SLC30A9: variants seen among roughly 807,000 people sequenced by gnomAD.
SLC30A9 encodes the protein solute carrier family 30 member 9.
SLC30A9 carries 58 observed loss-of-function variants against 87.5 expected under a neutral mutation model. The ratio of observed to expected loss-of-function variants is 0.66; its 90% CI spans 0.54 to 0.82. The LOEUF (loss-of-function observed/expected upper bound fraction) is 0.82. Among genes scored for constraint, SLC30A9 ranks in the 40% least tolerant of loss-of-function variants. The pLI, the probability that SLC30A9 is intolerant of heterozygous loss-of-function variation, is 0.00. For synonymous variants in SLC30A9, 234 were observed against 233.0 expected (o/e 1.00, Z -0.04); for missense variants, 557 against 679.1 (o/e 0.82, Z 2.00).
rs1460341431 is a variant in SLC30A9, at chr4:42,014,959, TTAGA to T, written c.275-3147_275-3144del. On this transcript the variant is annotated intron_variant, in intron 2 of 17. Coordinates refer to ENST00000264451, the MANE Select transcript of SLC30A9 (RefSeq NM_006345.4). ...ATGGTTAATGGGTACAAAACTGCAG[TTAGA>T]TAGAATGAATAAGAGCTAGTATTTG... Among the ~76,000 whole-genome samples, 31 of 152,096 alleles carry T rather than the reference TTAGA, an allele frequency of 2.0e-4. No individual in the cohort carries two copies. In the East Asian group the frequency reaches 2.9e-3, roughly 14 times the overall value.
chr4:42,018,383 C>T, intron 3 of SLC30A9: 1 of 1,286,964 alleles, frequency 7.8e-7, no homozygotes, highest in East Asian at 4.1e-5. Context: ...CAAATTTTTT[C>T]AAAAGCCCAA....
chr4:42,014,474 T>C (rs948541483), intron 2 of SLC30A9, among the ~76,000 whole-genome samples: 2 of 151,998 alleles, frequency 1.3e-5, no homozygotes, highest in Non-Finnish European at 2.9e-5. Context: ...GGAGAATTGC[T>C]TGAACCCAGG....
intron 16 of SLC30A9, among the ~76,000 whole-genome samples, chr4:42,076,689 C>T (rs1456311461): frequency 6.6e-6 from 1 of 151,930 alleles, no homozygotes; most frequent in African/African-American, 2.4e-5. Flanking sequence ...CATGGCCGGG[C>T]GCGGTGGCTC....
chr4:42,045,970 C>G (rs1717133854), intron 8 of SLC30A9, among the ~76,000 whole-genome samples: 1 of 152,094 alleles, frequency 6.6e-6, no homozygotes, highest in Non-Finnish European at 1.5e-5. Context: ...TAAACAGAAC[C>G]AATACAAAAA....
At chr4:42,050,914 G>C (rs1218644569) in intron 9 of SLC30A9, among the ~76,000 whole-genome samples, 1 of 152,164 alleles carries the variant, frequency 6.6e-6, no homozygotes, top group Non-Finnish European at 1.5e-5. Flanking sequence ...GAGGTGGCTA[G>C]AACTTACAAG....
chr4:42,052,246 G>A (rs1717409510), intron 9 of SLC30A9, among the ~76,000 whole-genome samples: 2 of 152,062 alleles, frequency 1.3e-5, no homozygotes, highest in African/African-American at 4.8e-5. Context: ...ATAAAATGTT[G>A]CTGAGAGAAA....
intron 2 of SLC30A9, among the ~76,000 whole-genome samples, chr4:42,009,288 A>G (rs549202664): frequency 6.6e-6 from 1 of 152,332 alleles, no homozygotes; most frequent in East Asian, 1.9e-4. Context: ...CTTGTTAGCC[A>G]TCAGACAGAG....
At chr4:42,082,278 G>C (rs1339512728) in intron 17 of SLC30A9, among the ~76,000 whole-genome samples, 1 of 151,826 alleles carries the variant, frequency 6.6e-6, no homozygotes, top group Non-Finnish European at 1.5e-5. Flanking sequence ...TTAATCTTAA[G>C]TCAAAGGACA....
chr4:42,014,304 A>G (rs1249537898), intron 2 of SLC30A9, among the ~76,000 whole-genome samples: 1 of 152,206 alleles, frequency 6.6e-6, no homozygotes, highest in Admixed American at 6.5e-5. Flanking sequence ...TAGTGCAGCT[A>G]CTATGAAGAA....
intron 11 of SLC30A9, among the ~76,000 whole-genome samples, chr4:42,063,925 C>T (rs1717974550): frequency 6.6e-6 from 1 of 152,132 alleles, no homozygotes; most frequent in African/African-American, 2.4e-5. Context: ...CAGCTGATCT[C>T]CTTATAAAAG....
intron 14 of SLC30A9, 61 bp from the exon 15 acceptor site, chr4:42,070,465 T>C: frequency 7.4e-7 from 1 of 1,355,584 alleles, no homozygotes. Context: ...TTGCTCTCTA[T>C]AAAGTTCACT....
At chr4:42,085,070 C>A (rs1223403025) in intron 17 of SLC30A9, among the ~76,000 whole-genome samples, 1 of 152,154 alleles carries the variant, frequency 6.6e-6, no homozygotes, top group Admixed American at 6.5e-5. Flanking sequence ...GCCTCATTAC[C>A]AACCCTACCC....
chr4:42,039,466 CTTT>C (rs34260301), intron 8 of SLC30A9, among the ~76,000 whole-genome samples: 4 of 141,344 alleles, frequency 2.8e-5, no homozygotes, highest in East Asian at 2.0e-4. Context: ...TTTGCCTCCT[CTTT>C]TTTTTTTTTT....
At chr4:42,066,753 A>G (rs1157230662) in intron 13 of SLC30A9, 132 bp downstream of exon 13, 8 of 584,428 alleles carry the variant, frequency 1.4e-5, no homozygotes, top group Non-Finnish European at 2.1e-5. Context: ...TGGCTCTTAC[A>G]TATCCTTCAG....
rs1428585934 is a variant in SLC30A9 at position 42,023,057 on chromosome 4, GTTTA to G, written c.527+131_527+134del. On this transcript the variant is annotated intron_variant, in intron 5 of 17. Coordinates refer to ENST00000264451, the MANE Select transcript of SLC30A9 (RefSeq NM_006345.4). The stretch of plus-strand genomic sequence containing the variant: ...ACAATATTTTTGTATTTGCAAATCT[GTTTA>G]TTTGTGAGTTACTAATATGTACTCC... 4.5e-5 allele frequency: 26 copies of G among 581,878 alleles called. 1 individual carries two copies. In the South Asian group the frequency reaches 5.9e-4, roughly 13 times the overall value. 36.0% of individuals were successfully genotyped at this position (581,878 alleles called of 1,614,324 possible).
intron 1 of SLC30A9, among the ~76,000 whole-genome samples, chr4:41,991,255 T>C (rs1055133672): frequency 2.6e-5 from 4 of 152,282 alleles, no homozygotes; most frequent in Admixed American, 6.5e-5. Context: ...ACGGATCTTT[T>C]GGAAGAAGTA....
chr4:41,996,636 A>G (rs1313518561), intron 1 of SLC30A9, among the ~76,000 whole-genome samples: 1 of 152,080 alleles, frequency 6.6e-6, no homozygotes. Context: ...CCAGCTACTC[A>G]GGAGTCTGAG....
Position 42,040,799 on chromosome 4 carries a change from AAAAAAAAAAAAG to A in SLC30A9, c.737+1752_737+1763del, listed in dbSNP as rs201275833. Reference sequence around the variant, plus strand: ...CGACAGAGCCAGACTCTGTCTCAAAAAAAAAAAAAAAGAAAAAGAAAAAGGTGGAGGAAAAAG... The same window carrying A: ...CGACAGAGCCAGACTCTGTCTCAAAAAAAAAGAAAAAGGTGGAGGAAAAAG... On this transcript the variant is annotated intron_variant, in intron 8 of 17. Transcript: ENST00000264451. 7.7e-4 allele frequency among the ~76,000 whole-genome samples: 88 copies of A among 114,492 alleles called. 4 individuals carry two copies. Among genetic ancestry groups the A allele is most frequent in the African/African-American group, 2.4e-3 (73 of 30,282 alleles). 75.1% of individuals were successfully genotyped at this position (114,492 alleles called of 152,430 possible).
chr4:42,017,967 T>C (rs967940466), intron 2 of SLC30A9, 144 bp from the exon 3 acceptor site: 1 of 535,422 alleles, frequency 1.9e-6, no homozygotes, highest in South Asian at 2.4e-5. Flanking sequence ...GTTTAACTAC[T>C]CTTACATTCT....
Sources: allele counts gnomAD v4.1 joint callset (sites outside exome capture counted in the v4.1 genomes callset), GRCh38; gene constraint gnomAD v4.1.1; transcripts MANE v1.5; gene names NCBI Gene and HGNC (gene_info 2026-07-23, HGNC 2026-07-21).